Variants in SMOC1 observed in about 807,000 individuals in gnomAD.
SMOC1 encodes the protein SPARC-related modular calcium-binding protein 1.
Under a neutral mutation model 56.3 loss-of-function variants are expected in SMOC1, and 22 were observed. The observed-to-expected ratio is 0.39, with a 90% CI of 0.28 to 0.56. The LOEUF (loss-of-function observed/expected upper bound fraction) is 0.56. Among genes scored for constraint, SMOC1 ranks in the 20% least tolerant of loss-of-function variants. The probability of loss-of-function intolerance (pLI) is 0.61; values close to 1 mark genes in which losing one functional copy is unlikely to be tolerated. For synonymous variants in SMOC1, 193 were observed against 215.0 expected (o/e 0.90, Z 0.89); for missense variants, 509 against 565.4 (o/e 0.90, Z 1.01).
intron 3 of SMOC1, among the ~76,000 whole-genome samples, chr14:69,962,169 T>C (rs919134945): frequency 5.9e-5 from 9 of 152,210 alleles, no homozygotes; most frequent in African/African-American, 1.9e-4. Context: ...CTCTCTTTTT[T>C]TTTTATTTGA....
At chr14:69,949,805 T>A (rs551532881) in intron 1 of SMOC1, among the ~76,000 whole-genome samples, 1 of 152,232 alleles carries the variant, frequency 6.6e-6, no homozygotes, top group East Asian at 1.9e-4. Context: ...CCGGGTCTGA[T>A]TCTCACCAGG....
chr14:69,930,528 G>C lies in SMOC1; in HGVS notation c.100-21610G>C, dbSNP rs116120702. 8.2e-3 allele frequency among the ~76,000 whole-genome samples: 1,245 copies of C among 152,284 alleles called. 27 individuals are homozygous for C. The highest frequency in any genetic ancestry group is 0.028 in the African/African-American group (1,163 of 41,552). ...TGACTGGGTGCAGAGGAACAACACCGAGTCAGTTCCAGCCACTTTTTCTGG... is the reference window on the plus strand; with the variant it reads ...TGACTGGGTGCAGAGGAACAACACCCAGTCAGTTCCAGCCACTTTTTCTGG... On this transcript the variant is annotated intron_variant, in intron 1 of 11. Transcript: ENST00000361956.
intron 4 of SMOC1, among the ~76,000 whole-genome samples, chr14:69,976,500 A>T (rs1288830915): frequency 6.6e-6 from 1 of 152,174 alleles, no homozygotes; most frequent in African/African-American, 2.4e-5. Context: ...CTTTATAGTG[A>T]TCCATTGGGT....
At chr14:69,974,517 G>A (rs1463758012) in intron 3 of SMOC1, among the ~76,000 whole-genome samples, 4 of 152,226 alleles carry the variant, frequency 2.6e-5, no homozygotes, top group African/African-American at 4.8e-5. Flanking sequence ...ATGAGGCTAC[G>A]GAAATAGATG....
At chr14:69,955,779 G>T (rs927378380) in intron 3 of SMOC1, among the ~76,000 whole-genome samples, 1 of 152,092 alleles carries the variant, frequency 6.6e-6, no homozygotes, top group African/African-American at 2.4e-5. Context: ...TGTTTATTCT[G>T]GTAAAAAGAA....
rs747146594 is a variant in SMOC1, at chr14:70,010,740, G to A, written c.665-14G>A. 5.0e-6 allele frequency: 8 copies of A among 1,613,316 alleles called. No individual in the cohort carries two copies. In the African/African-American group the frequency reaches 6.7e-5, roughly 13 times the overall value. The stretch of plus-strand genomic sequence containing the variant: ...AGGAGTGATAGTCACCACAGGCTGT[G>A]TCTTCTCTTGCAGAGAAAGTCTATT... On this transcript the variant is annotated splice_polypyrimidine_tract_variant and intron_variant, in intron 7 of 11. Transcript: ENST00000361956.
At chr14:69,898,384 C>G (rs1263901526) in intron 1 of SMOC1, among the ~76,000 whole-genome samples, 1 of 151,978 alleles carries the variant, frequency 6.6e-6, no homozygotes, top group African/African-American at 2.4e-5. Flanking sequence ...TCTGTTTCTT[C>G]CTTTCTTCTC....
intron 2 of SMOC1, 25 bp downstream of exon 2, chr14:69,952,328 C>T (rs777770391): frequency 1.2e-6 from 2 of 1,613,058 alleles, no homozygotes; most frequent in Admixed American, 1.7e-5. Flanking sequence ...CCCTGCCCAG[C>T]CAAGGAGAGG....
In SMOC1 at chr14:70,013,676, T is replaced by C. The variant is rs541188781; in HGVS notation, c.1046+185T>C. 2.4e-4 allele frequency among the ~76,000 whole-genome samples: 37 copies of C among 152,344 alleles called. No homozygotes were observed. The South Asian group carries it at 2.9e-3, about 12-fold the overall frequency. On this transcript the variant is annotated intron_variant, in intron 10 of 11. Coordinates refer to ENST00000361956, the MANE Select transcript of SMOC1 (RefSeq NM_001034852.3). ...TCTGTCAAAAATCTTCCTGCCCCTC[T>C]ACCTTCCCTATTCTTTGGGAGCTGC... is the stretch of plus-strand genomic sequence containing the variant.
intron 1 of SMOC1, among the ~76,000 whole-genome samples, chr14:69,939,776 C>T (rs181099352): frequency 6.6e-6 from 1 of 152,316 alleles, no homozygotes. Context: ...ACAGTAACTC[C>T]CCTTAGTCCC....
rs1387297291 is a variant in SMOC1, at chr14:69,879,628, G to A, written c.-51G>A. 1.5e-6 allele frequency: 2 copies of A among 1,369,576 alleles called. No individual in the cohort carries two copies. The highest frequency in any genetic ancestry group is 3.1e-5 in the African/African-American group (2 of 65,526). 84.8% of individuals were successfully genotyped at this position (1,369,576 alleles called of 1,614,324 possible). ...GGAAGGGAGGCGCGCTGTGCGCCCC[G>A]CGGAGCCCGCGAACCCCGCTCGCTG... On this transcript the variant is annotated 5_prime_UTR_variant, in exon 1 of 12. Transcript: ENST00000361956.
intron 1 of SMOC1, among the ~76,000 whole-genome samples, chr14:69,915,569 A>G (rs778728141): frequency 1.3e-5 from 2 of 152,116 alleles, no homozygotes; most frequent in East Asian, 1.9e-4. Flanking sequence ...AAAACTCCCT[A>G]TAATGGTCTA....
At chr14:69,899,207 A>C (rs11627546) in intron 1 of SMOC1, among the ~76,000 whole-genome samples, 102,187 of 152,114 alleles carry the variant, frequency 0.67, 39,043 homozygotes, top group East Asian at 0.91. Flanking sequence ...CTGTGGTTCA[A>C]AATGGCTGCC....
At chr14:69,977,893 G>A in intron 4 of SMOC1, 25 bp from the exon 5 acceptor site, 1 of 1,612,000 alleles carries the variant, frequency 6.2e-7, no homozygotes, top group Non-Finnish European at 8.5e-7. Flanking sequence ...GAGTGGCTAT[G>A]TTTTTGTTTC....
chr14:69,881,341 A>G (rs1403861395), intron 1 of SMOC1, among the ~76,000 whole-genome samples: 1 of 152,142 alleles, frequency 6.6e-6, no homozygotes, highest in Non-Finnish European at 1.5e-5. Context: ...GGCCGCCCAC[A>G]GGAGGGTCGA....
Position 70,010,789 on chromosome 14 carries a change from G to A in SMOC1, c.700G>A (p.Ala234Thr). The A allele has an allele frequency of 1.9e-6, 3 of 1,614,236 alleles. No individual in the cohort carries two copies. The highest frequency in any genetic ancestry group is 2.5e-6 in the Non-Finnish European group (3 of 1,180,042). Residue 234 changes from alanine to threonine, a missense_variant, in exon 8 of 12, where the codon GCC becomes ACC. Around this residue, in one of 3 missense-constraint regions of SMOC1, gnomAD observed 315 missense variants for 333.1 expected, o/e 0.95. Coordinates refer to ENST00000361956, the MANE Select transcript of SMOC1 (RefSeq NM_001034852.3). ...VYSCDQERQS[A>T]LEEAQQNPRE... ...TTCGTGTGACCAGGAGAGGCAGAGTGCCCTGGAAGAGGCCCAGCAGAATCC... is the reference window on the plus strand; with the variant it reads ...TTCGTGTGACCAGGAGAGGCAGAGTACCCTGGAAGAGGCCCAGCAGAATCC...
chr14:69,961,272 G>GTATATATATA (rs35703501), intron 3 of SMOC1, among the ~76,000 whole-genome samples: 125 of 74,940 alleles, frequency 1.7e-3, no homozygotes, highest in Non-Finnish European at 2.0e-3. Flanking sequence ...ATTCTATTGT[G>GTATATATATA]TATATATATA....
At chr14:70,025,765 T>C (rs934623249) in intron 11 of SMOC1, among the ~76,000 whole-genome samples, 4 of 152,218 alleles carry the variant, frequency 2.6e-5, no homozygotes, top group Non-Finnish European at 5.9e-5. Context: ...GTTTTGGATT[T>C]TGAAGCATTT....
intron 1 of SMOC1, among the ~76,000 whole-genome samples, chr14:69,897,158 A>G (rs1209642394): frequency 1.3e-5 from 2 of 152,096 alleles, no homozygotes; most frequent in East Asian, 1.9e-4. Flanking sequence ...CTCTCAACCC[A>G]CATGAGCCTT....
Sources: allele counts gnomAD v4.1 joint callset (sites outside exome capture counted in the v4.1 genomes callset), GRCh38; gene constraint gnomAD v4.1.1; regional missense constraint gnomAD v4.1.1; transcripts MANE v1.5; gene names NCBI Gene and HGNC (gene_info 2026-07-23, HGNC 2026-07-21).